The following UNC5D variants were observed in gnomAD, a reference collection of about 807,000 sequenced individuals.
UNC5D encodes the protein unc-5 netrin receptor D, also known as netrin receptor UNC5D.
In UNC5D, 39 loss-of-function variants were observed where a neutral mutation model predicts 105.4. The observed-to-expected ratio is 0.37, with a 90% CI of 0.29 to 0.48. The LOEUF (loss-of-function observed/expected upper bound fraction) is 0.48. UNC5D is among the 20% of genes least tolerant of loss of function. The pLI, the probability that UNC5D is intolerant of heterozygous loss-of-function variation, is 0.98. For synonymous variants in UNC5D, 452 were observed against 450.4 expected, an observed-to-expected ratio of 1.00 and a Z score of -0.04; for missense variants, 991 against 1,202.4, an observed-to-expected ratio of 0.82 and a Z score of 2.60.
chr8:35,249,077 TA>T (rs1803493639), intron 1 of UNC5D, among the ~76,000 whole-genome samples: 1 of 119,318 alleles, frequency 8.4e-6, no homozygotes, highest in African/African-American at 3.3e-5. Context: ...ATATAATATA[TA>T]AAAGTTATAT....
At chr8:35,338,644 G>A (rs182076224) in intron 1 of UNC5D, among the ~76,000 whole-genome samples, 63 of 152,246 alleles carry the variant, frequency 4.1e-4, no homozygotes, top group Non-Finnish European at 4.3e-4. Flanking sequence ...GAGGGGAAGA[G>A]ATTCTGCTCC....
At chr8:35,418,657 G>A (rs909959101) in intron 1 of UNC5D, among the ~76,000 whole-genome samples, 1 of 152,110 alleles carries the variant, frequency 6.6e-6, no homozygotes, top group Non-Finnish European at 1.5e-5. Flanking sequence ...AATTAATTGG[G>A]AGAACCTCAT....
Position 35,748,805 on chromosome 8 carries a change from G to T in UNC5D, c.1935+110G>T, listed in dbSNP as rs944826255. 5 of 1,290,464 alleles carry T rather than the reference G, an allele frequency of 3.9e-6. No individual in the cohort carries two copies. The African/African-American group carries it at 4.5e-5, about 12-fold the overall frequency. The allele number at this position is 1,290,464 out of a possible 1,614,324, so 79.9% of individuals were successfully genotyped here. On this transcript the variant is annotated intron_variant, in intron 12 of 16. Coordinates refer to ENST00000404895, the MANE Select transcript of UNC5D (RefSeq NM_080872.4). ...AATCAGCATTTCGTTGTTGGCAAAG[G>T]GTTGGTGGCAAGTGTTTTATAATAT...
intron 7 of UNC5D, among the ~76,000 whole-genome samples, chr8:35,690,633 TA>T (rs769261578): frequency 7.4e-4 from 112 of 152,168 alleles, no homozygotes; most frequent in Non-Finnish European, 1.2e-3. Flanking sequence ...AATAAATAAA[TA>T]AAGATAACAC....
intron 3 of UNC5D, among the ~76,000 whole-genome samples, chr8:35,593,299 T>A (rs1279469545): frequency 6.6e-6 from 1 of 152,132 alleles, no homozygotes; most frequent in Non-Finnish European, 1.5e-5. Flanking sequence ...GACACAAAAG[T>A]AGAATGTAAA....
rs11368288 is a variant in UNC5D, at chr8:35,451,041, C to CTT, written c.104-98233_104-98232dup. ...ATCGAGGAGCATCTATAATAATAATCTTTTTTTTTTTTTTTTTTTGAGACA... is the reference window on the plus strand; with the variant it reads ...ATCGAGGAGCATCTATAATAATAATCTTTTTTTTTTTTTTTTTTTTTGAGACA... On this transcript the variant is annotated intron_variant, in intron 1 of 16. Transcript: ENST00000404895. 1.3e-4 allele frequency among the ~76,000 whole-genome samples: 13 copies of CTT among 103,948 alleles called. 1 individual carries two copies. The highest frequency in any genetic ancestry group is 3.9e-4 in the African/African-American group (11 of 28,400). 68.2% of individuals were successfully genotyped at this position (103,948 alleles called of 152,430 possible).
chr8:35,767,024 A>G lies in UNC5D; in HGVS notation c.2436A>G (p.Lys812=). 1 of 1,614,048 alleles carries G rather than the reference A, an allele frequency of 6.2e-7. No individual in the cohort carries two copies. The highest frequency in any genetic ancestry group is 8.5e-7 in the Non-Finnish European group (1 of 1,179,944). ...LSCKICIRQL[K]GHEQILQVQT... ...GCAAAATCTGCATTCGGCAGCTCAA[A>G]GGCCATGAACAGATCCTCCAAGTGC... is the stretch of plus-strand genomic sequence containing the variant. Residue 812 remains lysine (K), a synonymous_variant, in exon 15 of 17, where the codon AAA becomes AAG. Coordinates refer to ENST00000404895, the MANE Select transcript of UNC5D (RefSeq NM_080872.4).
At chr8:35,368,247 A>G (rs889049841) in intron 1 of UNC5D, among the ~76,000 whole-genome samples, 1 of 152,210 alleles carries the variant, frequency 6.6e-6, no homozygotes, top group Non-Finnish European at 1.5e-5. Flanking sequence ...ACAATAGAAC[A>G]ACAAACTGGT....
intron 1 of UNC5D, among the ~76,000 whole-genome samples, chr8:35,245,310 C>A (rs568709106): frequency 6.6e-6 from 1 of 152,010 alleles, no homozygotes; most frequent in South Asian, 2.1e-4. Flanking sequence ...ATACAGAGCA[C>A]AAAATACAGT....
Position 35,596,878 on chromosome 8 carries a change from T to C in UNC5D, c.570+1221T>C, listed in dbSNP as rs533473623. 2.0e-5 allele frequency among the ~76,000 whole-genome samples: 3 copies of C among 152,304 alleles called. No individual in the cohort carries two copies. In the East Asian group the frequency reaches 5.8e-4, roughly 29 times the overall value. On this transcript the variant is annotated intron_variant, in intron 4 of 16. Coordinates refer to ENST00000404895, the MANE Select transcript of UNC5D (RefSeq NM_080872.4). ...AGGTTGGCCCTAAGCGGTTCCCAGC[T>C]TGACTTTTCCCTTTAGCTTAGTGAT...
chr8:35,332,314 A>G (rs116971118), intron 1 of UNC5D, among the ~76,000 whole-genome samples: 102 of 152,338 alleles, frequency 6.7e-4, no homozygotes, highest in Admixed American at 4.1e-3. Context: ...TGGGTTTATT[A>G]AAAGCTCACT....
chr8:35,512,118 C>T (rs557469863), intron 1 of UNC5D, among the ~76,000 whole-genome samples: 2 of 152,184 alleles, frequency 1.3e-5, no homozygotes, highest in Admixed American at 6.5e-5. Context: ...CACCTCACTT[C>T]GTTAGACTAT....
chr8:35,347,318 G>C (rs1811874464), intron 1 of UNC5D, among the ~76,000 whole-genome samples: 1 of 151,840 alleles, frequency 6.6e-6, no homozygotes. Flanking sequence ...ATGTTTAGAG[G>C]CTTTATAGCC....
At chr8:35,740,601 T>C (rs549945449) in intron 11 of UNC5D, among the ~76,000 whole-genome samples, 88 of 152,322 alleles carry the variant, frequency 5.8e-4, no homozygotes, top group African/African-American at 2.0e-3. Flanking sequence ...CTCAGGGCCC[T>C]GCTTTCCTTG....
intron 15 of UNC5D, among the ~76,000 whole-genome samples, chr8:35,772,041 TC>T (rs531996087): frequency 6.6e-4 from 100 of 152,186 alleles, no homozygotes; most frequent in Non-Finnish European, 1.2e-3. Context: ...AAAACCATGC[TC>T]TTTTCTGTTA....
At chr8:35,285,425 G>C (rs1156454141) in intron 1 of UNC5D, among the ~76,000 whole-genome samples, 1 of 152,188 alleles carries the variant, frequency 6.6e-6, no homozygotes, top group Non-Finnish European at 1.5e-5. Context: ...ATTGGTTTCA[G>C]ATGAAGCTTT....
At chr8:35,364,229 A>G (rs1801993791) in intron 1 of UNC5D, among the ~76,000 whole-genome samples, 1 of 148,774 alleles carries the variant, frequency 6.7e-6, no homozygotes, top group African/African-American at 2.5e-5. Context: ...GTCACTTGGT[A>G]CTCTATGGTA....
intron 1 of UNC5D, among the ~76,000 whole-genome samples, chr8:35,462,722 C>A (rs1288488471): frequency 6.6e-6 from 1 of 152,152 alleles, no homozygotes; most frequent in Non-Finnish European, 1.5e-5. Context: ...AAAATGGGAT[C>A]TCTTTCCCAG....
intron 1 of UNC5D, among the ~76,000 whole-genome samples, chr8:35,418,266 C>A (rs1319713761): frequency 6.6e-6 from 1 of 152,172 alleles, no homozygotes; most frequent in Non-Finnish European, 1.5e-5. Flanking sequence ...TTGCTCACAG[C>A]AATCTCAGAG....
Sources: gnomAD v4.1 joint callset for allele counts (sites outside exome capture counted in the v4.1 genomes callset) on GRCh38, gnomAD v4.1.1 for gene constraint, MANE v1.5 for transcripts, NCBI Gene and HGNC (gene_info 2026-07-23, HGNC 2026-07-21) for gene names.